The following PRIM2 variants were observed in gnomAD, a reference collection of about 807,000 sequenced individuals.
PRIM2 encodes DNA primase subunit 2.
PRIM2 carries 39 observed loss-of-function variants against 67.3 expected under a neutral mutation model. The ratio of observed to expected loss-of-function variants is 0.58; its 90% CI spans 0.45 to 0.76. PRIM2 has a LOEUF of 0.76. Ranked by LOEUF, PRIM2 falls within the 30% of genes least tolerant of loss-of-function variation. PRIM2 has a pLI of 0.00. For missense variants in PRIM2, 398 were observed against 598.7 expected, an observed-to-expected ratio of 0.66 and a Z score of 3.50; for synonymous variants, 143 against 198.7, an observed-to-expected ratio of 0.72 and a Z score of 2.36.
intron 7 of PRIM2, among the ~76,000 whole-genome samples, chr6:57,434,759 GCTCT>G (rs1390194612): frequency 3.3e-5 from 5 of 151,478 alleles, no homozygotes; most frequent in East Asian, 1.9e-4. Context: ...CTGGGTCTCT[GCTCT>G]CTCTCTCTTT....
At chr6:57,312,425 C>T (rs1017382433), upstream of PRIM2, among the ~76,000 whole-genome samples, 16 of 151,912 alleles carry the variant, frequency 1.1e-4, no homozygotes, top group African/African-American at 3.6e-4. Flanking sequence ...TCGCTTGAGT[C>T]CAGGAGGTGG....
intron 7 of PRIM2, among the ~76,000 whole-genome samples, chr6:57,499,110 G>C (rs1342753246): frequency 1.3e-5 from 2 of 152,096 alleles, no homozygotes; most frequent in Non-Finnish European, 2.9e-5. Flanking sequence ...ATTTATTCTA[G>C]GTGTACAACA....
At chr6:57,562,095 A>C (rs1775643779) in intron 10 of PRIM2, among the ~76,000 whole-genome samples, 1 of 152,198 alleles carries the variant, frequency 6.6e-6, no homozygotes, top group Admixed American at 6.5e-5. Context: ...TTGCTGTCTT[A>C]GGTGGGTGTG....
chr6:57,639,063 A>G (rs1308341071), intron 13 of PRIM2, among the ~76,000 whole-genome samples: 1 of 152,258 alleles, frequency 6.6e-6, no homozygotes, highest in Non-Finnish European at 1.5e-5. Flanking sequence ...CTCTCAGACC[A>G]CAGTGCAATC....
intron 10 of PRIM2, among the ~76,000 whole-genome samples, chr6:57,546,962 G>A (rs1430023441): frequency 1.3e-5 from 2 of 152,140 alleles, no homozygotes; most frequent in Non-Finnish European, 2.9e-5. Flanking sequence ...TGTCAGTGAA[G>A]GATGGAGAAA....
the PRIM2 span, among the ~76,000 whole-genome samples, chr6:57,264,390 T>A: frequency 6.6e-6 from 1 of 152,086 alleles, no homozygotes; most frequent in African/African-American, 2.4e-5. Flanking sequence ...TATTTTGGCC[T>A]CCTGATTTAT....
intron 12 of PRIM2, among the ~76,000 whole-genome samples, chr6:57,629,480 A>G (rs1419213887): frequency 6.6e-6 from 1 of 152,186 alleles, no homozygotes; most frequent in Admixed American, 6.5e-5. Context: ...GTGGTATCTC[A>G]TGCATTATTT....
At chr6:57,515,240 A>G (rs1439017082) in intron 8 of PRIM2, among the ~76,000 whole-genome samples, 2 of 152,228 alleles carry the variant, frequency 1.3e-5, no homozygotes, top group African/African-American at 4.8e-5. Context: ...CCATTTTATC[A>G]GATATGTATA....
intron 5 of PRIM2, among the ~76,000 whole-genome samples, chr6:57,372,945 T>A (rs944284897): frequency 1.1e-4 from 16 of 152,144 alleles, no homozygotes; most frequent in Non-Finnish European, 2.2e-4. Flanking sequence ...AATAAAAAAA[T>A]AAAATGATTT....
intron 8 of PRIM2, among the ~76,000 whole-genome samples, chr6:57,513,607 T>C (rs1269154564): frequency 1.3e-5 from 2 of 152,178 alleles, no homozygotes; most frequent in Non-Finnish European, 2.9e-5. Context: ...ATAGTTGCTA[T>C]TATTGGCTGG....
At chr6:57,375,655 G>T (rs1470151332) in intron 5 of PRIM2, among the ~76,000 whole-genome samples, 2 of 149,796 alleles carry the variant, frequency 1.3e-5, no homozygotes, top group Admixed American at 1.3e-4. Context: ...GGGCTCAAGA[G>T]ATCTTCCCGC....
chr6:57,490,848 C>T (rs1554345906), intron 7 of PRIM2, among the ~76,000 whole-genome samples: 9 of 152,186 alleles, frequency 5.9e-5, no homozygotes, highest in Non-Finnish European at 4.4e-5. Flanking sequence ...GCGATCCTTT[C>T]ACCTCGGCCT....
chr6:57,250,498 T>A, the PRIM2 span, among the ~76,000 whole-genome samples: 2 of 152,058 alleles, frequency 1.3e-5, no homozygotes, highest in Admixed American at 6.6e-5. Context: ...ATAAATACTG[T>A]GAAAGAAAAA....
At chr6:57,620,859 A>G (rs1292793289) in intron 12 of PRIM2, among the ~76,000 whole-genome samples, 1 of 152,284 alleles carries the variant, frequency 6.6e-6, no homozygotes, top group Non-Finnish European at 1.5e-5. Flanking sequence ...AAGGACTCAC[A>G]TAAACTTAAA....
chr6:57,380,447 A>T (rs1045888146), intron 6 of PRIM2, among the ~76,000 whole-genome samples: 3 of 152,050 alleles, frequency 2.0e-5, no homozygotes, highest in Non-Finnish European at 4.4e-5. Context: ...TTGTAAGCCT[A>T]CGTTTTTTCC....
At chr6:57,310,533 T>G (rs1356593392), upstream of PRIM2, among the ~76,000 whole-genome samples, 1 of 152,270 alleles carries the variant, frequency 6.6e-6, no homozygotes, top group African/African-American at 2.4e-5. Context: ...ACCACCATCG[T>G]CATCATGGCC....
At chr6:57,601,665 C>T (rs1776469916) in intron 11 of PRIM2, among the ~76,000 whole-genome samples, 1 of 152,192 alleles carries the variant, frequency 6.6e-6, no homozygotes, top group African/African-American at 2.4e-5. Flanking sequence ...ATCTGATTAA[C>T]CAACAAAGAT....
intron 10 of PRIM2, among the ~76,000 whole-genome samples, chr6:57,565,268 T>G (rs1775716038): frequency 6.7e-6 from 1 of 149,386 alleles, no homozygotes; most frequent in East Asian, 1.9e-4. Context: ...TTCCATATTT[T>G]ATTTATTTAT....
At chr6:57,260,858 G>A in the PRIM2 span, among the ~76,000 whole-genome samples, 540 of 152,274 alleles carry the variant, frequency 3.5e-3, 7 homozygotes, top group African/African-American at 0.013. Context: ...AGAAGGAAAA[G>A]TCAGCAGGAA....
Sources: allele counts gnomAD v4.1 joint callset (sites outside exome capture counted in the v4.1 genomes callset), GRCh38; gene constraint gnomAD v4.1.1; transcripts MANE v1.5; gene names NCBI Gene and HGNC (gene_info 2026-07-23, HGNC 2026-07-21).